SPATA6L: variants seen among roughly 807,000 people sequenced by gnomAD.
SPATA6L encodes the protein spermatogenesis associated 6 like, also known as spermatogenesis associated 6-like protein.
A neutral mutation model predicts 49.2 loss-of-function variants in SPATA6L; 68 were observed. The observed-to-expected ratio is 1.38, with a 90% confidence interval of 1.14 to 1.69. The LOEUF is 1.69. Ranked by LOEUF, SPATA6L falls within the 40% of genes most tolerant of loss-of-function variation. SPATA6L has a pLI of 0.00. For synonymous variants in SPATA6L, 198 were observed against 165.7 expected (o/e 1.19, Z -1.50); for missense variants, 668 against 464.3 (o/e 1.44, Z -4.03).
chr9:4,617,182 G>T (rs115708504), intron 9 of SPATA6L, among the ~76,000 whole-genome samples: 1 of 152,134 alleles, frequency 6.6e-6, no homozygotes, highest in Non-Finnish European at 1.5e-5. Flanking sequence ...ATTTTGGTAC[G>T]TGGAGTTTGC....
At chr9:4,650,229 C>T (rs143030343) in intron 3 of SPATA6L, among the ~76,000 whole-genome samples, 3 of 152,154 alleles carry the variant, frequency 2.0e-5, no homozygotes, top group African/African-American at 7.2e-5. Flanking sequence ...TGACTTCTAC[C>T]CAGTATGGCC....
rs550575523 is a variant in SPATA6L at position 4,606,540 on chromosome 9, T to A, written c.996-1100A>T. On this transcript the variant is annotated intron_variant, in intron 9 of 11. Coordinates refer to ENST00000682582, the MANE Select transcript of SPATA6L (RefSeq NM_001353486.2). Reference sequence around the variant, plus strand: ...GAGGCACCCCCCAGCAGGGGCACACTGACACCTCACACGGCCGGGTACTCC... The same window carrying A: ...GAGGCACCCCCCAGCAGGGGCACACAGACACCTCACACGGCCGGGTACTCC... Among the ~76,000 whole-genome samples the A allele has an allele frequency of 5.8e-4, 22 of 37,754 alleles. 10 individuals are homozygous for A. The highest frequency in any genetic ancestry group is 1.6e-3 in the African/African-American group (18 of 11,228). The allele number at this position is 37,754 out of a possible 152,430, so 24.8% of individuals were successfully genotyped here. A position where few individuals can be genotyped will look rare whatever the true frequency, so the allele number is the denominator to read the frequency against.
At chr9:4,603,461 G>A (rs1434420307) in intron 11 of SPATA6L, among the ~76,000 whole-genome samples, 2 of 152,092 alleles carry the variant, frequency 1.3e-5, no homozygotes, top group Non-Finnish European at 2.9e-5. Context: ...CCTCTTTACT[G>A]AGCAGCAACC....
intron 3 of SPATA6L, among the ~76,000 whole-genome samples, chr9:4,648,312 T>C (rs1453303395): frequency 6.6e-6 from 1 of 152,210 alleles, no homozygotes; most frequent in African/African-American, 2.4e-5. Flanking sequence ...ATCACCCCAA[T>C]AGTAATTTAA....
At position 4,600,491 on chromosome 9, in the gene SPATA6L, G is replaced by GAGAGAGAGAGAGAGA. The variant is rs1564096426; in HGVS notation, c.*319_*320insTCTCTCTCTCTCTCT. On this transcript the variant is annotated 3_prime_UTR_variant, in exon 12 of 12. Transcript: ENST00000682582. ...AGAGAGACAGAGAGAGCCAGAGAGAGCCAGAGAGAGAGAGAGGGGAAGTGT... is the reference window on the plus strand; with the variant it reads ...AGAGAGACAGAGAGAGCCAGAGAGAGAGAGAGAGAGAGAGACCAGAGAGAGAGAGAGGGGAAGTGT... The GAGAGAGAGAGAGAGA allele has an allele frequency of 6.9e-6, 1 of 144,558 alleles. No individual in the cohort carries two copies. 9.0% of individuals were successfully genotyped at this position (144,558 alleles called of 1,614,324 possible). A position where few individuals can be genotyped will look rare whatever the true frequency, so the allele number is the denominator to read the frequency against.
At chr9:4,611,501 A>G (rs2130254708) in intron 9 of SPATA6L, among the ~76,000 whole-genome samples, 1 of 149,382 alleles carries the variant, frequency 6.7e-6, no homozygotes, top group Middle Eastern at 3.4e-3. Context: ...CTTTGTAGGG[A>G]CACGGATGAA....
At chr9:4,616,688 C>A (rs1218580006) in intron 9 of SPATA6L, among the ~76,000 whole-genome samples, 1 of 152,192 alleles carries the variant, frequency 6.6e-6, no homozygotes, top group Non-Finnish European at 1.5e-5. Context: ...CGGGTTCAAG[C>A]AATTCTCCTG....
chr9:4,596,009 C>T (rs969302235), downstream of SPATA6L, among the ~76,000 whole-genome samples: 9 of 152,154 alleles, frequency 5.9e-5, no homozygotes, highest in African/African-American at 1.2e-4. Context: ...CCACTTCACT[C>T]CAGCTCCCAT....
At chr9:4,643,614 A>C (rs996685418) in intron 3 of SPATA6L, among the ~76,000 whole-genome samples, 1 of 152,232 alleles carries the variant, frequency 6.6e-6, no homozygotes, top group African/African-American at 2.4e-5. Context: ...TAATAATGTA[A>C]AGTAAGAAAA....
chr9:4,644,668 C>CAA (rs1834898324), intron 3 of SPATA6L, among the ~76,000 whole-genome samples: 2 of 129,440 alleles, frequency 1.5e-5, no homozygotes, highest in African/African-American at 7.2e-5. Flanking sequence ...TTCTCTCTCT[C>CAA]TCTCTCTCTC....
chr9:4,633,593 T>G (rs1414196304), intron 4 of SPATA6L: 1 of 179,870 alleles, frequency 5.6e-6, no homozygotes, highest in African/African-American at 2.4e-5. Context: ...TAACACAAAC[T>G]CTGGCATATT....
intron 4 of SPATA6L, among the ~76,000 whole-genome samples, chr9:4,631,146 T>G (rs1564221214): frequency 6.6e-6 from 1 of 152,212 alleles, no homozygotes; most frequent in Non-Finnish European, 1.5e-5. Context: ...GAAGAATGTA[T>G]TTTCTTTTTC....
intron 3 of SPATA6L, among the ~76,000 whole-genome samples, chr9:4,654,007 C>CGG (rs1193042078): frequency 2.6e-5 from 4 of 152,014 alleles, no homozygotes; most frequent in Non-Finnish European, 5.9e-5. Flanking sequence ...AGACATTTCC[C>CGG]CCAAAGAAAA....
downstream of SPATA6L, among the ~76,000 whole-genome samples, chr9:4,597,212 G>C (rs1467356109): frequency 6.6e-6 from 1 of 151,948 alleles, no homozygotes; most frequent in Non-Finnish European, 1.5e-5. Flanking sequence ...TAGCATTTTG[G>C]GAGGCCGAGG....
At chr9:4,590,573 T>A (rs138062015) in intron 13 of SPATA6L, among the ~76,000 whole-genome samples, 1 of 152,240 alleles carries the variant, frequency 6.6e-6, no homozygotes, top group East Asian at 1.9e-4. Context: ...ACAATTACAT[T>A]CCTTTGATTA....
downstream of SPATA6L, among the ~76,000 whole-genome samples, chr9:4,595,524 C>T (rs76322791): frequency 1.2e-3 from 181 of 152,302 alleles, 1 homozygote; most frequent in African/African-American, 4.2e-3. Flanking sequence ...GTTGAAAATA[C>T]TCGCCTGAAT....
intron 9 of SPATA6L, among the ~76,000 whole-genome samples, chr9:4,615,271 A>G (rs1827706235): frequency 6.6e-6 from 1 of 152,066 alleles, no homozygotes; most frequent in Admixed American, 6.5e-5. Context: ...CTTCTTTTTT[A>G]TTATTTTTTT....
chr9:4,647,554 G>A (rs1195458005), intron 3 of SPATA6L, among the ~76,000 whole-genome samples: 1 of 152,122 alleles, frequency 6.6e-6, no homozygotes, highest in African/African-American at 2.4e-5. Flanking sequence ...ATTGTGTACT[G>A]CACTCCAGCC....
intron 3 of SPATA6L, chr9:4,646,220 TTAGA>T (rs1435094300): frequency 3.5e-5 from 9 of 255,724 alleles, no homozygotes; most frequent in Admixed American, 5.2e-5. Flanking sequence ...TATTTAATAA[TTAGA>T]TAAAGTTATT....
Sources: allele counts gnomAD v4.1 joint callset (sites outside exome capture counted in the v4.1 genomes callset), GRCh38; gene constraint gnomAD v4.1.1; transcripts MANE v1.5; gene names NCBI Gene and HGNC (gene_info 2026-07-23, HGNC 2026-07-21).